Variants in CRPPA observed in about 807,000 individuals in gnomAD.
CRPPA encodes the protein D-ribitol-5-phosphate cytidylyltransferase.
A neutral mutation model predicts 52.0 loss-of-function variants in CRPPA; 43 were observed. The observed-to-expected ratio is 0.83, with a 90% CI of 0.65 to 1.07. The LOEUF (loss-of-function observed/expected upper bound fraction) is 1.07, where lower values mean the gene tolerates loss of function less well. Ranked by LOEUF, CRPPA falls within the 50% of genes least tolerant of loss-of-function variation. The pLI is 0.00. For missense variants in CRPPA, 629 were observed against 551.7 expected (o/e 1.14, Z -1.40); for synonymous variants, 250 against 203.5 (o/e 1.23, Z -1.94).
At position 16,110,895 on chromosome 7, in the gene CRPPA, T is replaced by C. The variant is rs1468338512; in HGVS notation, c.1252-19096A>G. ...CAACATGGGCAATGATTTCTCAGAT[T>C]GGACTACATAAGTACAGGAAACAAA... On this transcript the variant is annotated intron_variant, in intron 9 of 9. Coordinates refer to ENST00000407010, the MANE Select transcript of CRPPA (RefSeq NM_001101426.4). Among the ~76,000 whole-genome samples the C allele has an allele frequency of 2.6e-5, 4 of 152,130 alleles. No homozygotes were observed. The East Asian group carries it at 7.7e-4, about 29-fold the overall frequency.
Position 16,156,706 on chromosome 7 carries a change from C to G in CRPPA, c.1251+59360G>C, listed in dbSNP as rs117626307. Reference sequence around the variant, plus strand: ...CCATCAAAATACAGAGGTTTCATGGCAAGAAATCCAGTCTTCATGTTAAAC... The same window carrying G: ...CCATCAAAATACAGAGGTTTCATGGGAAGAAATCCAGTCTTCATGTTAAAC... On this transcript the variant is annotated intron_variant, in intron 9 of 9. Transcript: ENST00000407010. 1.2e-3 allele frequency among the ~76,000 whole-genome samples: 176 copies of G among 152,280 alleles called. 1 individual carries two copies. The highest frequency in any genetic ancestry group is 2.3e-3 in the Non-Finnish European group (156 of 68,016).
intron 2 of CRPPA, among the ~76,000 whole-genome samples, chr7:16,378,722 C>A (rs1214706038): frequency 6.6e-6 from 1 of 150,626 alleles, no homozygotes; most frequent in Non-Finnish European, 1.5e-5. Flanking sequence ...TTTACAGTCC[C>A]ACCAACAGTG....
At chr7:16,185,940 T>C (rs1781496647) in intron 9 of CRPPA, among the ~76,000 whole-genome samples, 1 of 152,170 alleles carries the variant, frequency 6.6e-6, no homozygotes, top group African/African-American at 2.4e-5. Context: ...CACATAAGCA[T>C]GACTGTACAT....
At chr7:16,111,139 A>G (rs1583363018) in intron 9 of CRPPA, among the ~76,000 whole-genome samples, 1 of 152,324 alleles carries the variant, frequency 6.6e-6, no homozygotes, top group South Asian at 2.1e-4. Flanking sequence ...ACATTTCTCA[A>G]AAGAAAAAAT....
intron 9 of CRPPA, among the ~76,000 whole-genome samples, chr7:16,129,083 T>C (rs6968537): frequency 0.51 from 77,931 of 151,896 alleles, 20,415 homozygotes; most frequent in East Asian, 0.76. Context: ...ATTAGTATTA[T>C]CACACCCACT....
rs954606029 is a variant in CRPPA at position 16,294,161 on chromosome 7, G to A, written c.835+7260C>T. 2.0e-5 allele frequency among the ~76,000 whole-genome samples: 3 copies of A among 151,932 alleles called. No homozygotes were observed. The East Asian group carries it at 5.8e-4, about 29-fold the overall frequency. ...TTAGAAGGAAAAGCAAAGTTCCAAGGTTGGTGACTCATGAGGATATTTACC... is the reference window on the plus strand; with the variant it reads ...TTAGAAGGAAAAGCAAAGTTCCAAGATTGGTGACTCATGAGGATATTTACC... On this transcript the variant is annotated intron_variant, in intron 5 of 9. Transcript: ENST00000407010.
At chr7:16,301,593 A>C in intron 4 of CRPPA, 127 bp from the exon 5 acceptor site, 1 of 572,488 alleles carries the variant, frequency 1.7e-6, no homozygotes, top group South Asian at 2.9e-5. Flanking sequence ...ACATTTTCTC[A>C]ATTAGAAAAG....
chr7:16,161,177 C>A (rs965416864), intron 9 of CRPPA, among the ~76,000 whole-genome samples: 1 of 152,140 alleles, frequency 6.6e-6, no homozygotes, highest in Non-Finnish European at 1.5e-5. Flanking sequence ...CGCTTTATTT[C>A]TTTCTCTTGC....
intron 9 of CRPPA, among the ~76,000 whole-genome samples, chr7:16,122,147 T>C (rs990494659): frequency 6.6e-6 from 1 of 152,060 alleles, no homozygotes; most frequent in Non-Finnish European, 1.5e-5. Flanking sequence ...TATACTAATT[T>C]CATAAAGAAT....
rs558783394 is a variant in CRPPA at position 16,089,332 on chromosome 7, ATG to A, written c.*2361_*2362del. The A allele has an allele frequency of 8.3e-5, 33 of 399,036 alleles. 1 individual carries two copies. The highest frequency in any genetic ancestry group is 4.2e-4 in the Admixed American group (17 of 40,716). The allele number at this position is 399,036 out of a possible 1,614,324, so 24.7% of individuals were successfully genotyped here. A position where few individuals can be genotyped will look rare whatever the true frequency, so the allele number is the denominator to read the frequency against. ...TGTGTATGCGTACGTATATAAATAT[ATG>A]TGTGTATGCGTACGTATATACATAC... On this transcript the variant is annotated 3_prime_UTR_variant, in exon 10 of 10. Transcript: ENST00000407010.
chr7:16,393,418 C>T (rs1457967207), intron 2 of CRPPA, among the ~76,000 whole-genome samples: 1 of 151,980 alleles, frequency 6.6e-6, no homozygotes, highest in Non-Finnish European at 1.5e-5. Flanking sequence ...GGAAGAGAGT[C>T]CCAACAGACC....
chr7:16,391,172 C>T (rs1456821534), intron 2 of CRPPA, among the ~76,000 whole-genome samples: 1 of 152,112 alleles, frequency 6.6e-6, no homozygotes, highest in African/African-American at 2.4e-5. Flanking sequence ...TTTGGTATTA[C>T]CCACTCCACA....
intron 5 of CRPPA, among the ~76,000 whole-genome samples, chr7:16,289,085 T>C (rs1784507388): frequency 6.6e-6 from 1 of 151,932 alleles, no homozygotes; most frequent in African/African-American, 2.4e-5. Flanking sequence ...AACTATATGC[T>C]GATAAATTGG....
rs534123191 is a variant in CRPPA, at chr7:16,221,979, A to G, written c.1120-5782T>C. On this transcript the variant is annotated intron_variant, in intron 8 of 9. Coordinates refer to ENST00000407010, the MANE Select transcript of CRPPA (RefSeq NM_001101426.4). ...CCAAAGGACTATAAATCTTGCTGCT[A>G]TAAAGACACATGCACACGTATGTTT... Among the ~76,000 whole-genome samples, 250 of 152,118 alleles carry G rather than the reference A, an allele frequency of 1.6e-3. 1 individual carries two copies. The highest frequency in any genetic ancestry group is 5.7e-3 in the African/African-American group (237 of 41,478).
At chr7:16,210,867 G>C (rs1236299212) in intron 9 of CRPPA, among the ~76,000 whole-genome samples, 1 of 151,398 alleles carries the variant, frequency 6.6e-6, no homozygotes, top group East Asian at 1.9e-4. Flanking sequence ...GGAAAGATCT[G>C]GGTGCAAACA....
At position 16,288,845 on chromosome 7, in the gene CRPPA, CAAAAAAA is replaced by C. The variant is rs71007760; in HGVS notation, c.836-10626_836-10620del. Among the ~76,000 whole-genome samples, 243 of 34,846 alleles carry C rather than the reference CAAAAAAA, an allele frequency of 7.0e-3. 2 individuals are homozygous for C. The highest frequency in any genetic ancestry group is 0.02 in the South Asian group (16 of 788). 22.9% of individuals were successfully genotyped at this position (34,846 alleles called of 152,430 possible). A position where few individuals can be genotyped will look rare whatever the true frequency, so the allele number is the denominator to read the frequency against. On this transcript the variant is annotated intron_variant, in intron 5 of 9. Coordinates refer to ENST00000407010, the MANE Select transcript of CRPPA (RefSeq NM_001101426.4). ...TGGGCAACGGAGTGAGACTCTGCCT[CAAAAAAA>C]AAAAAAAAAAAAAAAAATCCCCAAA...
chr7:16,417,752 T>C (rs1207351654), intron 1 of CRPPA, among the ~76,000 whole-genome samples: 1 of 151,840 alleles, frequency 6.6e-6, no homozygotes, highest in Non-Finnish European at 1.5e-5. Context: ...AGGTAACAAA[T>C]CTACACACAC....
At chr7:16,192,904 T>A (rs947592418) in intron 9 of CRPPA, among the ~76,000 whole-genome samples, 3 of 152,188 alleles carry the variant, frequency 2.0e-5, no homozygotes, top group Non-Finnish European at 4.4e-5. Flanking sequence ...TAGACTATTT[T>A]AATTCCTCTA....
At position 16,165,565 on chromosome 7, in the gene CRPPA, C is replaced by G. The variant is rs73056364; in HGVS notation, c.1251+50501G>C. Among the ~76,000 whole-genome samples, 1,213 of 152,290 alleles carry G rather than the reference C, an allele frequency of 8.0e-3. 14 individuals carry two copies. Among genetic ancestry groups the G allele is most frequent in the Non-Finnish European group, 9.7e-3 (663 of 68,026 alleles). ...CAGCAGCTATGTCTGTATGGAAACA[C>G]CACACATGAGGAGAAGTCAACAATT... On this transcript the variant is annotated intron_variant, in intron 9 of 9. Coordinates refer to ENST00000407010, the MANE Select transcript of CRPPA (RefSeq NM_001101426.4).
Sources: gnomAD v4.1 joint callset for allele counts (sites outside exome capture counted in the v4.1 genomes callset) on GRCh38, gnomAD v4.1.1 for gene constraint, MANE v1.5 for transcripts, NCBI Gene and HGNC (gene_info 2026-07-23, HGNC 2026-07-21) for gene names.